The following EPM2A variants were observed in gnomAD, a reference collection of about 807,000 sequenced individuals.
EPM2A encodes laforin.
Under a neutral mutation model 26.5 loss-of-function variants are expected in EPM2A, and 21 were observed. The observed-to-expected ratio is 0.79, with a 90% confidence interval of 0.56 to 1.14. The LOEUF is 1.14. Ranked by LOEUF, EPM2A falls within the 50% of genes most tolerant of loss-of-function variation. EPM2A has a pLI of 0.00. For synonymous variants in EPM2A, 217 were observed against 177.6 expected, an observed-to-expected ratio of 1.22 and a Z score of -1.76; for missense variants, 458 against 440.8, an observed-to-expected ratio of 1.04 and a Z score of -0.35.
At chr6:145,484,923 G>A (rs1280101007) in intron 4 of EPM2A, among the ~76,000 whole-genome samples, 1 of 150,228 alleles carries the variant, frequency 6.7e-6, no homozygotes, top group African/African-American at 2.4e-5. Flanking sequence ...AGAGTTTCTG[G>A]TTTTTATTTT....
rs55802475 is a variant in EPM2A at position 145,518,595 on chromosome 6, CAAA to C, written c.341-16023_341-16021del. On this transcript the variant is annotated intron_variant, in intron 2 of 3. Coordinates refer to the EPM2A transcript ENST00000450221. ...CAGTTCCAGATTGTGTGAAATGCAC[CAAA>C]AAAAAAAAAAAAAAAAAAAAAAAAA... is the stretch of plus-strand genomic sequence containing the variant. 2.1e-3 allele frequency among the ~76,000 whole-genome samples: 216 copies of C among 102,578 alleles called. 1 individual carries two copies. The East Asian group carries it at 0.033, about 16-fold the overall frequency. The allele number at this position is 102,578 out of a possible 152,430, so 67.3% of individuals were successfully genotyped here.
At chr6:145,698,698 CTGTAT>C (rs988188295) in intron 1 of EPM2A, among the ~76,000 whole-genome samples, 1 of 151,900 alleles carries the variant, frequency 6.6e-6, no homozygotes, top group African/African-American at 2.4e-5. Context: ...TTGTTATGGA[CTGTAT>C]TGTGTCTCCC....
intron 4 of EPM2A, among the ~76,000 whole-genome samples, chr6:145,453,814 C>A (rs780906087): frequency 3.3e-5 from 5 of 152,168 alleles, no homozygotes; most frequent in Non-Finnish European, 7.4e-5. Context: ...TGCTTATGCT[C>A]TTTTCCTATA....
chr6:145,517,815 TG>T, intron 2 of EPM2A, among the ~76,000 whole-genome samples: 1 of 152,298 alleles, frequency 6.6e-6, no homozygotes, highest in Admixed American at 6.5e-5. Context: ...TCTGGAATTA[TG>T]GTGAATTATC....
intron 1 of EPM2A, among the ~76,000 whole-genome samples, chr6:145,710,579 T>C (rs868023415): frequency 3.7e-4 from 57 of 152,300 alleles, no homozygotes; most frequent in African/African-American, 1.4e-3. Context: ...CTCAGGGATC[T>C]AGAACTAGAA....
chr6:145,592,270 C>G (rs1409918663), intron 2 of EPM2A, among the ~76,000 whole-genome samples: 1 of 149,936 alleles, frequency 6.7e-6, no homozygotes, highest in Non-Finnish European at 1.5e-5. Flanking sequence ...GTTTGGTTTT[C>G]TGTCCTTGCC....
intron 2 of EPM2A, among the ~76,000 whole-genome samples, chr6:145,573,856 T>C (rs1446907222): frequency 3.3e-5 from 5 of 152,118 alleles, no homozygotes; most frequent in Non-Finnish European, 7.4e-5. Context: ...ACTCTACTAA[T>C]TACCTGAGCT....
At chr6:145,527,827 A>G (rs1780299226) in intron 2 of EPM2A, among the ~76,000 whole-genome samples, 1 of 152,166 alleles carries the variant, frequency 6.6e-6, no homozygotes, top group African/African-American at 2.4e-5. Flanking sequence ...TAAGAAAGGC[A>G]TGTCATAAGC....
intron 2 of EPM2A, among the ~76,000 whole-genome samples, chr6:145,589,063 C>T (rs1204850627): frequency 2.0e-5 from 3 of 152,154 alleles, no homozygotes; most frequent in Non-Finnish European, 4.4e-5. Flanking sequence ...TGGCTGTGAT[C>T]TAGATCTCTT....
chr6:145,681,038 T>A (rs1780489821), intron 2 of EPM2A, among the ~76,000 whole-genome samples: 1 of 152,118 alleles, frequency 6.6e-6, no homozygotes, highest in African/African-American at 2.4e-5. Context: ...TTTCTCCACA[T>A]CCTCTCCAGC....
Position 145,625,530 on chromosome 6 carries a change from C to A in EPM2A, c.*1886G>T. On this transcript the variant is annotated 3_prime_UTR_variant, in exon 4 of 4. Coordinates refer to ENST00000367519, the MANE Select transcript of EPM2A (RefSeq NM_005670.4). The stretch of plus-strand genomic sequence containing the variant: ...ATTTCTTAGACATTAAAGAAATTCA[C>A]AGACCCACATAGTTTAAAAATTTAA... The A allele has an allele frequency of 1.8e-6, 1 of 571,086 alleles. No homozygotes were observed. 35.4% of individuals were successfully genotyped at this position (571,086 alleles called of 1,614,324 possible). A position where few individuals can be genotyped will look rare whatever the true frequency, so the allele number is the denominator to read the frequency against.
intron 2 of EPM2A, among the ~76,000 whole-genome samples, chr6:145,676,430 C>G (rs892175220): frequency 6.6e-6 from 1 of 151,834 alleles, no homozygotes; most frequent in East Asian, 1.9e-4. Flanking sequence ...AAGATCAGAG[C>G]AGAACTGAAG....
chr6:145,441,427 C>T (rs1433757451), intron 4 of EPM2A, among the ~76,000 whole-genome samples: 2 of 152,218 alleles, frequency 1.3e-5, no homozygotes, highest in Non-Finnish European at 2.9e-5. Context: ...TCCCCATTGT[C>T]TTGGTGATTA....
At position 145,406,754 on chromosome 6, in the gene EPM2A, C is replaced by A. The variant is rs1019418585; in HGVS notation, c.556-22657G>T. On this transcript the variant is annotated intron_variant, in intron 4 of 4. Coordinates refer to the EPM2A transcript ENST00000638717. ...GGCTAGAAAACTTCCCAGAGATAGG[C>A]GAAAGCAATGGTTCTCAAAGTATTG... Among the ~76,000 whole-genome samples, 3 of 152,086 alleles carry A rather than the reference C, an allele frequency of 2.0e-5. No individual in the cohort carries two copies. In the South Asian group the frequency reaches 6.2e-4, roughly 32 times the overall value.
downstream of EPM2A, among the ~76,000 whole-genome samples, chr6:145,500,309 T>C (rs540355611): frequency 6.6e-6 from 1 of 152,342 alleles, no homozygotes; most frequent in Admixed American, 6.5e-5. Context: ...TTCTTCTTTG[T>C]TTGATTTTCT....
intron 2 of EPM2A, chr6:145,670,776 A>T: frequency 3.7e-6 from 1 of 267,198 alleles, no homozygotes; most frequent in Non-Finnish European, 5.8e-6. Context: ...ATATAAAAAT[A>T]TATTTCGAAA....
chr6:145,684,951 T>C (rs1019829804), intron 2 of EPM2A: 2 of 152,166 alleles, frequency 1.3e-5, no homozygotes, highest in Non-Finnish European at 2.9e-5. Flanking sequence ...CTAAAACTAT[T>C]GTGAAATTGC....
intron 2 of EPM2A, among the ~76,000 whole-genome samples, chr6:145,596,919 G>A (rs1781352639): frequency 1.0e-5 from 1 of 100,388 alleles, no homozygotes. Context: ...ACGGAGTCTC[G>A]CTCTGTCGCC....
At chr6:145,464,585 T>C (rs1314588122) in intron 4 of EPM2A, among the ~76,000 whole-genome samples, 1 of 152,154 alleles carries the variant, frequency 6.6e-6, no homozygotes, top group African/African-American at 2.4e-5. Context: ...TTTTCAGCTA[T>C]TTTTAGTTAT....
Sources: allele counts gnomAD v4.1 joint callset (sites outside exome capture counted in the v4.1 genomes callset), GRCh38; gene constraint gnomAD v4.1.1; transcripts MANE v1.5; gene names NCBI Gene and HGNC (gene_info 2026-07-23, HGNC 2026-07-21).